The following PRDM6 variants were observed in gnomAD, a reference collection of about 807,000 sequenced individuals.
The protein encoded by PRDM6 is putative histone-lysine N-methyltransferase PRDM6.
PRDM6 carries 25 observed loss-of-function variants against 60.8 expected under a neutral mutation model. The ratio of observed to expected loss-of-function variants is 0.41; its 90% CI spans 0.30 to 0.57. PRDM6 has a LOEUF of 0.57. PRDM6 is among the 20% of genes least tolerant of loss of function. PRDM6 has a pLI of 0.27. For synonymous variants in PRDM6, 407 were observed against 357.4 expected (o/e 1.14, Z -1.57); for missense variants, 839 against 821.3 (o/e 1.02, Z -0.26).
In PRDM6 at chr5:123,191,978, A is replaced by G. The variant is rs889707477; in HGVS notation, c.*4777A>G. On this transcript the variant is annotated 3_prime_UTR_variant, in exon 8 of 8. Coordinates refer to ENST00000407847, the MANE Select transcript of PRDM6 (RefSeq NM_001136239.4). ...TTAAATAATAAATGCCAGATGTTTC[A>G]TCAGATCAATATGTAAAACGATAAC... 1 of 152,226 alleles carries G rather than the reference A, an allele frequency of 6.6e-6. No individual in the cohort carries two copies. Among genetic ancestry groups the G allele is most frequent in the Non-Finnish European group, 1.5e-5 (1 of 68,038 alleles). 9.4% of individuals were successfully genotyped at this position (152,226 alleles called of 1,614,324 possible).
chr5:123,139,543 G>A (rs974772188), intron 3 of PRDM6, among the ~76,000 whole-genome samples: 3 of 151,980 alleles, frequency 2.0e-5, no homozygotes, highest in Non-Finnish European at 2.9e-5. Flanking sequence ...TTAGCATATG[G>A]ATGGTGTGGT....
At chr5:123,115,796 T>G (rs560410684) in intron 3 of PRDM6, among the ~76,000 whole-genome samples, 1 of 152,292 alleles carries the variant, frequency 6.6e-6, no homozygotes, top group Non-Finnish European at 1.5e-5. Flanking sequence ...TGTTGGTTCT[T>G]TCCTCCTCCC....
chr5:123,137,687 T>C (rs1390272562), intron 3 of PRDM6, among the ~76,000 whole-genome samples: 2 of 152,096 alleles, frequency 1.3e-5, no homozygotes, highest in African/African-American at 4.8e-5. Context: ...ATACCTGATG[T>C]AGATGATGGG....
At chr5:123,129,213 G>C (rs1456951127) in intron 3 of PRDM6, among the ~76,000 whole-genome samples, 3 of 152,138 alleles carry the variant, frequency 2.0e-5, no homozygotes, top group Non-Finnish European at 4.4e-5. Context: ...CTCCAGCTTT[G>C]TTCTTTTGGC....
At chr5:123,176,000 C>T (rs528979555) in intron 6 of PRDM6, among the ~76,000 whole-genome samples, 2 of 152,284 alleles carry the variant, frequency 1.3e-5, no homozygotes, top group South Asian at 4.1e-4. Context: ...TAAATCTACC[C>T]AGGTGTTTTC....
rs1019181090 is a variant in PRDM6, at chr5:123,146,513, G to A, written c.901-9371G>A. On this transcript the variant is annotated intron_variant, in intron 3 of 7. Coordinates refer to ENST00000407847, the MANE Select transcript of PRDM6 (RefSeq NM_001136239.4). ...ATTTCCTGTTTGGTATAAAACTAAG[G>A]CTTTATTTTTAAAAGTGGAGGAAGA... 7.2e-5 allele frequency among the ~76,000 whole-genome samples: 11 copies of A among 152,042 alleles called. 1 individual carries two copies. The highest frequency in any genetic ancestry group is 2.4e-4 in the African/African-American group (10 of 41,474).
chr5:123,109,730 A>G (rs926518432), intron 3 of PRDM6, among the ~76,000 whole-genome samples: 12 of 152,240 alleles, frequency 7.9e-5, no homozygotes, highest in Non-Finnish European at 1.3e-4. Context: ...GCACATTTAT[A>G]TTTCCTAAAT....
chr5:123,133,313 G>A lies in PRDM6; in HGVS notation c.901-22571G>A, dbSNP rs147270866. ...AAATCCTTCCTATGCAAACACGTAT[G>A]TTTTTCCTACAACTGAAAGAAATAA... On this transcript the variant is annotated intron_variant, in intron 3 of 7. Transcript: ENST00000407847. Among the ~76,000 whole-genome samples, 870 of 152,106 alleles carry A rather than the reference G, an allele frequency of 5.7e-3. 8 individuals carry two copies. The highest frequency in any genetic ancestry group is 0.02 in the African/African-American group (826 of 41,520).
Position 123,090,430 on chromosome 5 carries a change from T to A in PRDM6, c.416T>A (p.Leu139His), listed in dbSNP as rs1763802087. Residue 139 changes from leucine to histidine, a missense_variant, in exon 2 of 8, where the codon CTC becomes CAC. Coordinates refer to ENST00000407847, the MANE Select transcript of PRDM6 (RefSeq NM_001136239.4). ...CCGCTGCCCCCCAAGGAACTGTGCC[T>A]CGGCGCCACCTCCGGCCCCGGGCCC... ...AEPLPPKELCLGATSGPGPVK... is the reference protein window; with the variant it reads ...AEPLPPKELCHGATSGPGPVK... 2 of 1,453,104 alleles carry A rather than the reference T, an allele frequency of 1.4e-6. No individual in the cohort carries two copies. Among genetic ancestry groups the A allele is most frequent in the Non-Finnish European group, 1.8e-6 (2 of 1,112,220 alleles). 90.0% of individuals were successfully genotyped at this position (1,453,104 alleles called of 1,614,324 possible).
intron 3 of PRDM6, among the ~76,000 whole-genome samples, chr5:123,111,383 C>T (rs1253735300): frequency 6.6e-6 from 1 of 152,222 alleles, no homozygotes; most frequent in Non-Finnish European, 1.5e-5. Flanking sequence ...ATGTCCCAGG[C>T]AGTCCTGAAA....
chr5:123,106,521 C>T (rs538667754), intron 3 of PRDM6, among the ~76,000 whole-genome samples: 3 of 152,344 alleles, frequency 2.0e-5, no homozygotes, highest in Non-Finnish European at 4.4e-5. Context: ...CAGTGCATTA[C>T]AGTTCAATGA....
intron 3 of PRDM6, among the ~76,000 whole-genome samples, chr5:123,123,186 G>A (rs745798883): frequency 3.0e-4 from 46 of 152,184 alleles, no homozygotes; most frequent in Middle Eastern, 3.4e-3. Context: ...GTCTATATTC[G>A]CTACTTTTTC....
In PRDM6 at chr5:123,190,948, T is replaced by G. The variant is rs1202682116; in HGVS notation, c.*3747T>G. 1 of 152,146 alleles carries G rather than the reference T, an allele frequency of 6.6e-6. No homozygotes were observed. The highest frequency in any genetic ancestry group is 1.5e-5 in the Non-Finnish European group (1 of 68,036). The allele number at this position is 152,146 out of a possible 1,614,324, so 9.4% of individuals were successfully genotyped here. Reference sequence around the variant, plus strand: ...TCCAACTGGGAAAATCTGAGAGAGGTAAATTCATCTGGGGACCAGAAAATA... The same window carrying G: ...TCCAACTGGGAAAATCTGAGAGAGGGAAATTCATCTGGGGACCAGAAAATA... On this transcript the variant is annotated 3_prime_UTR_variant, in exon 8 of 8. Transcript: ENST00000407847.
Position 123,090,364 on chromosome 5 carries a change from C to A in PRDM6, c.350C>A (p.Pro117Gln). ...GLSALPVSQLPVFAPLAAAAV... is the reference protein window; with the variant it reads ...GLSALPVSQLQVFAPLAAAAV... ...TCGGCCCTGCCGGTGTCGCAGCTGC[C>A]GGTGTTCGCGCCTCTAGCCGCCGCT... Residue 117 changes from proline (P) to glutamine (Q), a missense_variant, in exon 2 of 8, where the codon CCG (proline) becomes CAG (glutamine). By Grantham distance (76) the Pro-to-Gln change is moderately conservative (BLOSUM62 -1). Transcript: ENST00000407847. 6.8e-7 allele frequency: 1 copy of A among 1,472,214 alleles called. No homozygotes were observed. Among genetic ancestry groups the A allele is most frequent in the East Asian group, 3.0e-5 (1 of 33,370 alleles). The allele number at this position is 1,472,214 out of a possible 1,614,324, so 91.2% of individuals were successfully genotyped here. A position where few individuals can be genotyped will look rare whatever the true frequency, so the allele number is the denominator to read the frequency against.
intron 3 of PRDM6, among the ~76,000 whole-genome samples, chr5:123,133,151 G>A (rs937642469): frequency 6.6e-6 from 1 of 151,968 alleles, no homozygotes; most frequent in Non-Finnish European, 1.5e-5. Flanking sequence ...AAAGTAAAAA[G>A]GAAATAATTA....
chr5:123,163,972 C>G (rs749325868), intron 5 of PRDM6, among the ~76,000 whole-genome samples: 32 of 152,206 alleles, frequency 2.1e-4, no homozygotes, highest in Non-Finnish European at 3.4e-4. Flanking sequence ...CCCCTCACCC[C>G]CACCGTTCCA....
intron 3 of PRDM6, among the ~76,000 whole-genome samples, chr5:123,106,787 CAG>C (rs1764206953): frequency 6.6e-6 from 1 of 152,206 alleles, no homozygotes. Context: ...AGCATGAAAA[CAG>C]AGGAATCCAT....
intron 7 of PRDM6, among the ~76,000 whole-genome samples, chr5:123,185,150 A>G (rs1318489280): frequency 6.6e-6 from 1 of 152,210 alleles, no homozygotes; most frequent in African/African-American, 2.4e-5. Context: ...ACATATAGAC[A>G]TACACTTTTG....
chr5:123,148,506 G>T (rs1390731427), intron 3 of PRDM6, among the ~76,000 whole-genome samples: 1 of 151,758 alleles, frequency 6.6e-6, no homozygotes, highest in African/African-American at 2.4e-5. Context: ...AAAATAAAAA[G>T]CTGAACACAC....
Sources: allele counts gnomAD v4.1 joint callset (sites outside exome capture counted in the v4.1 genomes callset), GRCh38; gene constraint gnomAD v4.1.1; transcripts MANE v1.5; gene names NCBI Gene and HGNC (gene_info 2026-07-23, HGNC 2026-07-21).